The following CDC27 variants were observed in gnomAD, a reference collection of about 807,000 sequenced individuals.
CDC27 encodes cell division cycle 27.
In CDC27, 27 loss-of-function variants were observed where a neutral mutation model predicts 109.7. That is an observed-to-expected ratio of 0.25 (90% CI 0.18 to 0.34). CDC27 has a LOEUF of 0.34. Ranked by LOEUF, CDC27 falls within the 10% of genes least tolerant of loss-of-function variation. The pLI, the probability that CDC27 is intolerant of heterozygous loss-of-function variation, is 1.00. For synonymous variants in CDC27, 266 were observed against 333.9 expected, an observed-to-expected ratio of 0.80 and a Z score of 2.22; for missense variants, 579 against 960.2, an observed-to-expected ratio of 0.60 and a Z score of 5.25.
intron 4 of CDC27, 103 bp downstream of exon 4, chr17:47,169,814 G>T: frequency 1.1e-6 from 1 of 951,708 alleles, no homozygotes; most frequent in Non-Finnish European, 1.5e-6. Context: ...GTACTACTCA[G>T]CCAAGTAATA....
intron 4 of CDC27, among the ~76,000 whole-genome samples, chr17:47,167,804 C>A (rs957695745): frequency 6.6e-6 from 1 of 152,174 alleles, no homozygotes; most frequent in Non-Finnish European, 1.5e-5. Flanking sequence ...AGCCTCAGGT[C>A]CCACAGGTTA....
rs2062637663 is a variant in CDC27, at chr17:47,137,183, T to C, written c.1882A>G (p.Ile628Val). Residue 628 changes from isoleucine to valine, a missense_variant, in exon 14 of 19, where the codon ATC becomes GTC. By Grantham distance (29) the Ile-to-Val change is conservative (BLOSUM62 3). Transcript: ENST00000066544. ...TTATAATGTCTAGGATTGACTCTGA[T>C]AGCATTTCGAAAACAAGCTAATGCT... ...DKALACFRNAIRVNPRHYNAW... is the reference protein window; with the variant it reads ...DKALACFRNAVRVNPRHYNAW... 2 of 1,609,078 alleles carry C rather than the reference T, an allele frequency of 1.2e-6. No individual in the cohort carries two copies. The highest frequency in any genetic ancestry group is 1.3e-5 in the African/African-American group (1 of 74,996).
intron 6 of CDC27, 36 bp from the exon 7 acceptor site, chr17:47,157,160 A>G (rs373686924): frequency 4.2e-5 from 65 of 1,543,466 alleles, no homozygotes; most frequent in Non-Finnish European, 1.8e-5. Flanking sequence ...CATTCACAAT[A>G]TATTATTTAG....
At chr17:47,139,164 C>T (rs902319860) in intron 12 of CDC27, among the ~76,000 whole-genome samples, 8 of 151,982 alleles carry the variant, frequency 5.3e-5, no homozygotes, top group African/African-American at 1.9e-4. Context: ...ACCAAAAAGA[C>T]CGAAGAGAAA....
At chr17:47,182,743 T>G (rs1007578366) in intron 1 of CDC27, among the ~76,000 whole-genome samples, 1 of 152,226 alleles carries the variant, frequency 6.6e-6, no homozygotes, top group African/African-American at 2.4e-5. Context: ...CCAAAATGTA[T>G]TTTATCTATT....
At chr17:47,130,101 C>T (rs2062274147) in intron 15 of CDC27, among the ~76,000 whole-genome samples, 2 of 152,180 alleles carry the variant, frequency 1.3e-5, no homozygotes, top group South Asian at 4.1e-4. Flanking sequence ...GTGACTCAGG[C>T]CTGTAATCTG....
At chr17:47,134,344 G>A (rs1248028872) in intron 14 of CDC27, among the ~76,000 whole-genome samples, 8 of 146,780 alleles carry the variant, frequency 5.5e-5, no homozygotes, top group East Asian at 4.0e-4. Flanking sequence ...TTGCTCTGTC[G>A]CCCGGGCTGG....
intron 2 of CDC27, among the ~76,000 whole-genome samples, chr17:47,176,007 G>T (rs1248575371): frequency 2.6e-5 from 4 of 151,934 alleles, no homozygotes; most frequent in Admixed American, 2.6e-4. Context: ...TTTTCATCCG[G>T]TAAGGACTAT....
chr17:47,167,239 C>A (rs1024465820), intron 4 of CDC27, among the ~76,000 whole-genome samples: 1 of 152,204 alleles, frequency 6.6e-6, no homozygotes, highest in Admixed American at 6.5e-5. Flanking sequence ...TTATCTAATG[C>A]AACTTTTTTC....
At chr17:47,133,052 C>CATAT (rs1555783934) in intron 14 of CDC27, among the ~76,000 whole-genome samples, 1 of 70,686 alleles carries the variant, frequency 1.4e-5, no homozygotes, top group African/African-American at 5.3e-5. Context: ...CACACACACA[C>CATAT]ACATACATAT....
intron 4 of CDC27, chr17:47,161,106 G>A (rs2063485051): frequency 6.7e-6 from 1 of 149,384 alleles, no homozygotes; most frequent in African/African-American, 2.5e-5. Context: ...TGTTGCCCAG[G>A]CTGGACTCCT....
At chr17:47,157,185 T>C in intron 6 of CDC27, 45 bp downstream of exon 6, 4 of 1,569,082 alleles carry the variant, frequency 2.5e-6, no homozygotes, top group Non-Finnish European at 3.5e-6. Flanking sequence ...GATCATTCTT[T>C]GTAGTTTTCA....
chr17:47,150,980 C>T (rs779213722), intron 9 of CDC27, among the ~76,000 whole-genome samples: 2 of 151,562 alleles, frequency 1.3e-5, no homozygotes, highest in African/African-American at 2.4e-5. Context: ...TGTGGTGGGC[C>T]GAGATCACAC....
intron 16 of CDC27, among the ~76,000 whole-genome samples, chr17:47,126,285 G>A (rs751455168): frequency 5.3e-5 from 8 of 151,974 alleles, no homozygotes; most frequent in African/African-American, 1.2e-4. Flanking sequence ...TTTTCCTTAT[G>A]CCCTTTTCAT....
chr17:47,154,602 T>A lies in CDC27; in HGVS notation c.957+70A>T, dbSNP rs181127507. 1.2e-4 allele frequency: 96 copies of A among 796,680 alleles called. No homozygotes were observed. The Admixed American group carries it at 2.1e-3, about 17-fold the overall frequency. 49.4% of individuals were successfully genotyped at this position (796,680 alleles called of 1,614,324 possible). A position where few individuals can be genotyped will look rare whatever the true frequency, so the allele number is the denominator to read the frequency against. ...CATAAAGTAAGATTTTCCCTGAGAT[T>A]ACCTTTAAAAGATTGAAATAAACAA... On this transcript the variant is annotated intron_variant, in intron 8 of 18. Transcript: ENST00000066544.
chr17:47,124,643 T>C (rs2062080766), intron 16 of CDC27, among the ~76,000 whole-genome samples: 1 of 152,218 alleles, frequency 6.6e-6, no homozygotes, highest in Non-Finnish European at 1.5e-5. Context: ...CAAAAAGTTA[T>C]TGAGAAGAGT....
At chr17:47,160,180 C>G (rs1401225600) in intron 4 of CDC27, among the ~76,000 whole-genome samples, 8 of 151,062 alleles carry the variant, frequency 5.3e-5, no homozygotes, top group Non-Finnish European at 5.9e-5. Flanking sequence ...AACATATATA[C>G]TTGGAAAAAT....
At position 47,156,958 on chromosome 17, in the gene CDC27, C is replaced by T. The variant is rs1462359244; in HGVS notation, c.797G>A (p.Arg266Gln). The T allele has an allele frequency of 5.7e-6, 9 of 1,571,976 alleles. No individual in the cohort carries two copies. The highest frequency in any genetic ancestry group is 2.3e-5 in the East Asian group (1 of 44,330). The part of the protein sequence containing the change: ...KQVQNKPKTG[R>Q]SLLGGPAALS... ...AGCTGCTGGTCCTCCTAATAAACTT[C>T]GACCAGTTTTTGGTTTATTTTGAAC... The change falls in exon 7 of 19, where the codon CGA becomes CAA. Residue 266 changes from arginine (R) to glutamine (Q), a missense_variant. Arg to Gln is a conservative substitution (Grantham distance 43). Around this residue, in one of 9 missense-constraint regions of CDC27, gnomAD observed 74 missense variants for 148.9 expected, o/e 0.50. Coordinates refer to ENST00000066544, the MANE Select transcript of CDC27 (RefSeq NM_001256.6).
intron 9 of CDC27, among the ~76,000 whole-genome samples, chr17:47,145,840 T>C (rs1051386973): frequency 2.0e-5 from 3 of 151,438 alleles, no homozygotes; most frequent in African/African-American, 4.9e-5. Flanking sequence ...GAGGTTGCAG[T>C]GAGCCAAGAT....
Sources: allele counts gnomAD v4.1 joint callset (sites outside exome capture counted in the v4.1 genomes callset), GRCh38; gene constraint gnomAD v4.1.1; regional missense constraint gnomAD v4.1.1; transcripts MANE v1.5; gene names NCBI Gene and HGNC (gene_info 2026-07-23, HGNC 2026-07-21).